The following CNTN5 variants were observed in gnomAD, a reference collection of about 807,000 sequenced individuals.
CNTN5 encodes contactin 5, also known as contactin-5.
A neutral mutation model predicts 129.1 loss-of-function variants in CNTN5; 77 were observed. That is an observed-to-expected ratio of 0.60 (90% CI 0.50 to 0.72). CNTN5 has a LOEUF of 0.72. Ranked by LOEUF, CNTN5 falls within the 30% of genes least tolerant of loss-of-function variation. The probability of loss-of-function intolerance (pLI) is 0.00; values close to 1 mark genes in which losing one functional copy is unlikely to be tolerated. For synonymous variants in CNTN5, 509 were observed against 465.6 expected (o/e 1.09, Z -1.20); for missense variants, 1,478 against 1,328.8 (o/e 1.11, Z -1.75).
chr11:99,830,829 T>C (rs956485976), intron 4 of CNTN5, among the ~76,000 whole-genome samples: 35 of 152,188 alleles, frequency 2.3e-4, no homozygotes, highest in African/African-American at 8.2e-4. Context: ...TACCATTTCA[T>C]AGTCTCCTCT....
intron 2 of CNTN5, among the ~76,000 whole-genome samples, chr11:99,330,218 A>C (rs1258809842): frequency 6.7e-6 from 1 of 148,994 alleles, no homozygotes; most frequent in African/African-American, 2.5e-5. Flanking sequence ...GGAAAGGGAG[A>C]AGGAAGGGAA....
At chr11:99,417,711 T>C (rs1350488361) in intron 2 of CNTN5, among the ~76,000 whole-genome samples, 4 of 152,146 alleles carry the variant, frequency 2.6e-5, no homozygotes, top group Admixed American at 6.6e-5. Flanking sequence ...ATTTCCATTC[T>C]TTTGTAAATT....
At chr11:100,213,980 A>C (rs2138595425) in intron 15 of CNTN5, among the ~76,000 whole-genome samples, 1 of 152,278 alleles carries the variant, frequency 6.6e-6, no homozygotes, top group Middle Eastern at 3.4e-3. Flanking sequence ...TTGGTCTTAA[A>C]GCACATAGTT....
At chr11:100,012,923 G>T (rs1940611985) in intron 9 of CNTN5, among the ~76,000 whole-genome samples, 1 of 152,122 alleles carries the variant, frequency 6.6e-6, no homozygotes, top group Non-Finnish European at 1.5e-5. Flanking sequence ...AATTTCCATG[G>T]AAAAGTTTCT....
At chr11:100,067,600 TATGAA>T (rs1378781512) in intron 10 of CNTN5, among the ~76,000 whole-genome samples, 2 of 151,872 alleles carry the variant, frequency 1.3e-5, no homozygotes, top group Admixed American at 1.3e-4. Context: ...AGCAACAAAA[TATGAA>T]ATGACATCTG....
At chr11:99,828,492 G>A (rs907635774) in intron 4 of CNTN5, among the ~76,000 whole-genome samples, 3 of 152,080 alleles carry the variant, frequency 2.0e-5, no homozygotes, top group African/African-American at 4.8e-5. Context: ...AACAATAATG[G>A]CCTAACCACC....
At chr11:99,451,914 G>C (rs548726534) in intron 2 of CNTN5, among the ~76,000 whole-genome samples, 1 of 152,044 alleles carries the variant, frequency 6.6e-6, no homozygotes, top group African/African-American at 2.4e-5. Flanking sequence ...TCAATAAATG[G>C]TGCCCTAATG....
intron 6 of CNTN5, among the ~76,000 whole-genome samples, chr11:99,867,765 A>G (rs956373111): frequency 1.3e-5 from 2 of 152,164 alleles, no homozygotes; most frequent in Non-Finnish European, 2.9e-5. Flanking sequence ...TACATATTCA[A>G]TGTTAATTCC....
chr11:100,224,885 G>T, intron 16 of CNTN5, 73 bp downstream of exon 16: 1 of 1,486,198 alleles, frequency 6.7e-7, no homozygotes, highest in Admixed American at 1.7e-5. Flanking sequence ...TAAATGCATG[G>T]ACTTTGAGCA....
chr11:99,709,721 T>A (rs2134941352), intron 3 of CNTN5, among the ~76,000 whole-genome samples: 1 of 151,910 alleles, frequency 6.6e-6, no homozygotes, highest in African/African-American at 2.4e-5. Flanking sequence ...TAATAGAAGT[T>A]TGAAAAGGAT....
chr11:99,027,464 T>A (rs567822611), intron 1 of CNTN5, among the ~76,000 whole-genome samples: 1 of 151,754 alleles, frequency 6.6e-6, no homozygotes, highest in South Asian at 2.1e-4. Context: ...TACTTTTCTG[T>A]GTTTTAAAAT....
chr11:99,961,233 A>G (rs914862145), intron 8 of CNTN5, among the ~76,000 whole-genome samples: 1 of 149,036 alleles, frequency 6.7e-6, no homozygotes, highest in African/African-American at 2.5e-5. Context: ...AAACAGTAGA[A>G]TATAGTGTCA....
rs10534485 is a variant in CNTN5 at position 99,338,919 on chromosome 11, GATATATAT to G, written c.-71+13456_-71+13463del. 1.9e-3 allele frequency among the ~76,000 whole-genome samples: 247 copies of G among 126,954 alleles called. 2 individuals carry two copies. Among genetic ancestry groups the G allele is most frequent in the Non-Finnish European group, 2.5e-3 (152 of 60,230 alleles). The allele number at this position is 126,954 out of a possible 152,430, so 83.3% of individuals were successfully genotyped here. A position where few individuals can be genotyped will look rare whatever the true frequency, so the allele number is the denominator to read the frequency against. ...ATTTTATGTATTTTGTTCATTCACA[GATATATAT>G]ATATATATATATATATATATCTGTG... On this transcript the variant is annotated intron_variant, in intron 2 of 24. Transcript: ENST00000524871.
chr11:99,627,035 C>T lies in CNTN5; in HGVS notation c.55+70766C>T, dbSNP rs74627275. On this transcript the variant is annotated intron_variant, in intron 3 of 24. Transcript: ENST00000524871. ...CATGTAGTTTCAGATGAGAATCTGC[C>T]AAGAAACATTCAAGGCTTGGAAGGG... Among the ~76,000 whole-genome samples the T allele has an allele frequency of 6.0e-3, 918 of 152,108 alleles. 8 individuals carry two copies. Among genetic ancestry groups the T allele is most frequent in the African/African-American group, 0.02 (844 of 41,498 alleles).
intron 1 of CNTN5, among the ~76,000 whole-genome samples, chr11:99,089,520 C>G (rs1866150601): frequency 1.3e-5 from 2 of 152,100 alleles, no homozygotes; most frequent in Admixed American, 1.3e-4. Context: ...ATGACAGAGT[C>G]AAAATTCAGT....
At chr11:100,280,446 C>T (rs1049709429) in intron 18 of CNTN5, among the ~76,000 whole-genome samples, 1 of 151,842 alleles carries the variant, frequency 6.6e-6, no homozygotes, top group African/African-American at 2.4e-5. Context: ...TTCTTTATGT[C>T]TTCTTATAGT....
At chr11:99,319,597 G>A (rs1196566684) in intron 1 of CNTN5, among the ~76,000 whole-genome samples, 1 of 152,124 alleles carries the variant, frequency 6.6e-6, no homozygotes, top group African/African-American at 2.4e-5. Context: ...AACTGGTGTT[G>A]TGTATATCAC....
At chr11:99,856,018 T>A (rs944413510) in intron 6 of CNTN5, among the ~76,000 whole-genome samples, 2 of 152,194 alleles carry the variant, frequency 1.3e-5, no homozygotes, top group Non-Finnish European at 2.9e-5. Context: ...AACTGATAAT[T>A]TTCCCATTTT....
chr11:100,045,850 C>A (rs1446038276), intron 9 of CNTN5, among the ~76,000 whole-genome samples: 2 of 151,850 alleles, frequency 1.3e-5, no homozygotes, highest in African/African-American at 4.8e-5. Flanking sequence ...AAGATTTATT[C>A]GCCCACCAAA....
Sources: gnomAD v4.1 joint callset for allele counts (sites outside exome capture counted in the v4.1 genomes callset) on GRCh38, gnomAD v4.1.1 for gene constraint, MANE v1.5 for transcripts, NCBI Gene and HGNC (gene_info 2026-07-23, HGNC 2026-07-21) for gene names.